CADM1: variants seen among roughly 807,000 people sequenced by gnomAD.
The protein encoded by CADM1 is cell adhesion molecule 1, also known as TSLC-1.
CADM1 carries 15 observed loss-of-function variants against 53.1 expected under a neutral mutation model. That is an observed-to-expected ratio of 0.28 (90% CI 0.19 to 0.44). CADM1 has a LOEUF of 0.44. Ranked by LOEUF, CADM1 falls within the 20% of genes least tolerant of loss-of-function variation. The pLI, the probability that CADM1 is intolerant of heterozygous loss-of-function variation, is 1.00. For synonymous variants in CADM1, 281 were observed against 243.0 expected, an observed-to-expected ratio of 1.16 and a Z score of -1.45; for missense variants, 434 against 611.3, an observed-to-expected ratio of 0.71 and a Z score of 3.06.
rs753202765 is a variant in CADM1 at position 115,214,808 on chromosome 11, T to C, written c.822-28A>G. 6 of 1,610,396 alleles carry C rather than the reference T, an allele frequency of 3.7e-6. No individual in the cohort carries two copies. In the Admixed American group the frequency reaches 1.0e-4, roughly 27 times the overall value. The stretch of plus-strand genomic sequence containing the variant: ...GCAGGGGGAAGGGGAGGAAGACAAG[T>C]CACATTATCATTCCCCATTGCATCA... On this transcript the variant is annotated intron_variant, in intron 6 of 11. Coordinates refer to ENST00000331581, the MANE Select transcript of CADM1 (RefSeq NM_001301043.2).
At chr11:115,408,889 G>T (rs1416065503) in intron 1 of CADM1, among the ~76,000 whole-genome samples, 1 of 152,122 alleles carries the variant, frequency 6.6e-6, no homozygotes, top group African/African-American at 2.4e-5. Flanking sequence ...AAGATTTTGT[G>T]CTTTCTGCTG....
chr11:115,306,222 T>C (rs934345728), intron 1 of CADM1, among the ~76,000 whole-genome samples: 3 of 151,942 alleles, frequency 2.0e-5, no homozygotes, highest in Non-Finnish European at 4.4e-5. Context: ...TAGATATGTT[T>C]AGATACACAA....
intron 1 of CADM1, among the ~76,000 whole-genome samples, chr11:115,374,131 T>A (rs1946380810): frequency 6.6e-6 from 1 of 152,148 alleles, no homozygotes; most frequent in South Asian, 2.1e-4. Flanking sequence ...ATTCCAGGTT[T>A]GAGGCAAGAA....
intron 1 of CADM1, among the ~76,000 whole-genome samples, chr11:115,315,490 G>A (rs978517724): frequency 4.6e-5 from 7 of 152,002 alleles, no homozygotes; most frequent in Admixed American, 4.6e-4. Context: ...GTTTTACTTG[G>A]GAATCTCAAC....
At chr11:115,266,084 G>A (rs1000650148) in intron 1 of CADM1, among the ~76,000 whole-genome samples, 10 of 152,176 alleles carry the variant, frequency 6.6e-5, no homozygotes, top group Admixed American at 1.3e-4. Flanking sequence ...GAGAACCACC[G>A]TGGTAAGAGA....
At chr11:115,418,025 A>G (rs1947651987) in intron 1 of CADM1, among the ~76,000 whole-genome samples, 1 of 152,222 alleles carries the variant, frequency 6.6e-6, no homozygotes, top group South Asian at 2.1e-4. Flanking sequence ...GATAAGAAGC[A>G]ATGTTAATGA....
chr11:115,232,013 T>TAATAACAACAAC lies in CADM1; in HGVS notation c.425-524_425-523insGTTGTTGTTATT, dbSNP rs576888198. Reference sequence around the variant, plus strand: ...ATAATAATAATAATAATAATAATAATAACAACAACAACAACAACAACCAAT... The same window carrying TAATAACAACAAC: ...ATAATAATAATAATAATAATAATAATAATAACAACAACAACAACAACAACAACAACAACCAAT... On this transcript the variant is annotated intron_variant, in intron 3 of 11. Coordinates refer to ENST00000331581, the MANE Select transcript of CADM1 (RefSeq NM_001301043.2). Among the ~76,000 whole-genome samples, 98 of 146,974 alleles carry TAATAACAACAAC rather than the reference T, an allele frequency of 6.7e-4. 2 individuals carry two copies. The highest frequency in any genetic ancestry group is 8.5e-4 in the Non-Finnish European group (56 of 65,786).
At chr11:115,389,511 G>C (rs1354893934) in intron 1 of CADM1, among the ~76,000 whole-genome samples, 1 of 152,120 alleles carries the variant, frequency 6.6e-6, no homozygotes, top group Non-Finnish European at 1.5e-5. Context: ...TGAGGAGAAT[G>C]GTTAAATTAT....
At chr11:115,183,429 G>C (rs2134606667) in intron 10 of CADM1, among the ~76,000 whole-genome samples, 1 of 152,292 alleles carries the variant, frequency 6.6e-6, no homozygotes, top group Admixed American at 6.5e-5. Flanking sequence ...TGCCAAAGTG[G>C]GGATCCATGG....
intron 11 of CADM1, among the ~76,000 whole-genome samples, chr11:115,178,158 T>A (rs1247930320): frequency 6.6e-6 from 1 of 152,218 alleles, no homozygotes; most frequent in Non-Finnish European, 1.5e-5. Context: ...CAAAAAATTT[T>A]CTTTAACCTG....
chr11:115,248,794 GA>G (rs1565323408), intron 1 of CADM1, among the ~76,000 whole-genome samples: 1 of 152,080 alleles, frequency 6.6e-6, no homozygotes, highest in Non-Finnish European at 1.5e-5. Context: ...AAAAGAGAGA[GA>G]AAAAAATCGA....
intron 1 of CADM1, among the ~76,000 whole-genome samples, chr11:115,493,105 G>T (rs1949535543): frequency 6.6e-6 from 1 of 151,970 alleles, no homozygotes; most frequent in African/African-American, 2.4e-5. Context: ...TTCCAGGTAT[G>T]GGGGCAGGAA....
At chr11:115,250,726 C>G (rs1414017418) in intron 1 of CADM1, among the ~76,000 whole-genome samples, 1 of 151,854 alleles carries the variant, frequency 6.6e-6, no homozygotes, top group Admixed American at 6.6e-5. Context: ...TTTTTTTTCC[C>G]TTTCTTCACA....
intron 10 of CADM1, among the ~76,000 whole-genome samples, chr11:115,189,214 T>C (rs1332085544): frequency 1.3e-5 from 2 of 152,138 alleles, no homozygotes; most frequent in African/African-American, 4.8e-5. Flanking sequence ...ACTTGGGTGA[T>C]TGATAGAACT....
intron 1 of CADM1, among the ~76,000 whole-genome samples, chr11:115,398,124 C>T (rs1947049322): frequency 6.6e-6 from 1 of 152,194 alleles, no homozygotes; most frequent in African/African-American, 2.4e-5. Context: ...CCTTAATCCC[C>T]TCTTCCGTGA....
chr11:115,316,370 T>C (rs932848732), intron 1 of CADM1, among the ~76,000 whole-genome samples: 1 of 152,112 alleles, frequency 6.6e-6, no homozygotes, highest in Middle Eastern at 3.2e-3. Flanking sequence ...TGAACAAGGC[T>C]CTGTTCACCT....
At chr11:115,308,187 T>G (rs1230928279) in intron 1 of CADM1, among the ~76,000 whole-genome samples, 2 of 95,406 alleles carry the variant, frequency 2.1e-5, no homozygotes, top group African/African-American at 9.7e-5. Flanking sequence ...ATATCACTCA[T>G]AGGTGTGTAT....
intron 1 of CADM1, among the ~76,000 whole-genome samples, chr11:115,276,147 T>C (rs1156691397): frequency 6.6e-6 from 1 of 152,268 alleles, no homozygotes; most frequent in Non-Finnish European, 1.5e-5. Context: ...TTAATGCTTA[T>C]ACTAGTATTT....
At chr11:115,262,897 T>C (rs1943018915) in intron 1 of CADM1, among the ~76,000 whole-genome samples, 1 of 152,212 alleles carries the variant, frequency 6.6e-6, no homozygotes, top group South Asian at 2.1e-4. Flanking sequence ...TTCATCCACC[T>C]TCTCCTAATG....
Sources: gnomAD v4.1 joint callset for allele counts (sites outside exome capture counted in the v4.1 genomes callset) on GRCh38, gnomAD v4.1.1 for gene constraint, MANE v1.5 for transcripts, NCBI Gene and HGNC (gene_info 2026-07-23, HGNC 2026-07-21) for gene names.